Variants in RGS6 observed in about 807,000 individuals in gnomAD.
RGS6 encodes regulator of G-protein signaling 6.
RGS6 carries 30 observed loss-of-function variants against 78.5 expected under a neutral mutation model. That is an observed-to-expected ratio of 0.38 (90% confidence interval 0.29 to 0.52). The LOEUF (loss-of-function observed/expected upper bound fraction) is 0.52, where lower values mean the gene tolerates loss of function less well. RGS6 is among the 20% of genes least tolerant of loss of function. The pLI is 0.85. For missense variants in RGS6, 495 were observed against 609.7 expected (o/e 0.81, Z 1.98); for synonymous variants, 206 against 206.0 (o/e 1.00, Z 0.00).
At chr14:72,528,444 G>T (rs904085445) in intron 15 of RGS6, among the ~76,000 whole-genome samples, 4 of 152,124 alleles carry the variant, frequency 2.6e-5, no homozygotes, top group African/African-American at 9.7e-5. Flanking sequence ...CACTGCTGAG[G>T]ACTCTGGCTA....
intron 2 of RGS6, among the ~76,000 whole-genome samples, chr14:72,050,519 T>C (rs189917511): frequency 6.6e-5 from 10 of 152,150 alleles, no homozygotes; most frequent in Non-Finnish European, 1.5e-4. Flanking sequence ...TAGTGGATGG[T>C]TGAAATGGTA....
At chr14:72,259,269 G>A (rs1310974511) in intron 2 of RGS6, among the ~76,000 whole-genome samples, 1 of 152,138 alleles carries the variant, frequency 6.6e-6, no homozygotes, top group African/African-American at 2.4e-5. Flanking sequence ...CAGATGATCA[G>A]TTAATATTGT....
intron 3 of RGS6, among the ~76,000 whole-genome samples, chr14:72,405,151 C>T (rs10144932): frequency 0.27 from 41,393 of 151,964 alleles, 5,977 homozygotes; most frequent in South Asian, 0.34. Flanking sequence ...GTGCTAAGAA[C>T]GTAAAGGGGG....
chr14:71,905,552 G>A, the RGS6 span, among the ~76,000 whole-genome samples: 143 of 152,060 alleles, frequency 9.4e-4, 1 homozygote, highest in African/African-American at 3.2e-3. Context: ...GTGCAGTGGC[G>A]CAATCTGGGC....
intron 4 of RGS6, among the ~76,000 whole-genome samples, chr14:72,455,465 G>A (rs1009668111): frequency 4.6e-5 from 7 of 152,192 alleles, no homozygotes; most frequent in Admixed American, 1.3e-4. Context: ...CGGTGTGTCA[G>A]CTTGGCACTC....
intron 2 of RGS6, among the ~76,000 whole-genome samples, chr14:72,034,433 T>C (rs560247674): frequency 3.8e-4 from 57 of 151,810 alleles, no homozygotes; most frequent in African/African-American, 1.4e-3. Context: ...AATTCAGTCA[T>C]GTGGTTTTTA....
In RGS6 at chr14:72,562,619, C is replaced by T. The variant is rs2097690274; in HGVS notation, c.*152C>T. 4.6e-6 allele frequency: 7 copies of T among 1,533,598 alleles called. No homozygotes were observed. The Admixed American group carries it at 5.9e-5, about 13-fold the overall frequency. The allele number at this position is 1,533,598 out of a possible 1,614,324, so 95.0% of individuals were successfully genotyped here. On this transcript the variant is annotated 3_prime_UTR_variant, in exon 18 of 18. Transcript: ENST00000553525. ...AATGAAGGGCGATGGTGGGGAGACT[C>T]GGTGGGTGAATGGGGAGACCAGAAA...
the RGS6 span, among the ~76,000 whole-genome samples, chr14:72,579,937 G>T: frequency 6.6e-6 from 1 of 152,182 alleles, no homozygotes; most frequent in Admixed American, 6.5e-5. Flanking sequence ...GAGATTGGGT[G>T]AGATCTGGAC....
chr14:71,969,484 G>A (rs1280440524), intron 2 of RGS6, among the ~76,000 whole-genome samples: 1 of 152,278 alleles, frequency 6.6e-6, no homozygotes, highest in Non-Finnish European at 1.5e-5. Flanking sequence ...ACATCCAGAA[G>A]GATGGAGGCA....
At chr14:71,941,607 C>T (rs1194161575) in intron 1 of RGS6, among the ~76,000 whole-genome samples, 1 of 152,150 alleles carries the variant, frequency 6.6e-6, no homozygotes. Flanking sequence ...AACTTGGAGT[C>T]AGATGTTTGA....
At chr14:72,390,872 T>C (rs942842257) in intron 3 of RGS6, among the ~76,000 whole-genome samples, 1 of 152,182 alleles carries the variant, frequency 6.6e-6, no homozygotes, top group Non-Finnish European at 1.5e-5. Context: ...TTTCTGGCTT[T>C]TATTCCAGGA....
rs761759006 is a variant in RGS6, at chr14:72,540,073, A to G, written c.1401A>G (p.Leu467=). Residue 467 remains leucine, a synonymous_variant, in exon 17 of 18, where the codon CTA becomes CTG. Coordinates refer to ENST00000553525, the MANE Select transcript of RGS6 (RefSeq NM_001204424.2). ...PESEQGRRTS[L]EKFTRSVGKS... ...GTGAGCAAGGTCGTAGAACTTCCCT[A>G]GAAAAGTTCACTCGCAGTGTGGTAA... The G allele has an allele frequency of 6.3e-7, 1 of 1,588,144 alleles. No homozygotes were observed. The highest frequency in any genetic ancestry group is 1.7e-5 in the Admixed American group (1 of 58,254).
the RGS6 span, among the ~76,000 whole-genome samples, chr14:71,893,004 CTG>C: frequency 6.6e-6 from 1 of 152,262 alleles, no homozygotes; most frequent in African/African-American, 2.4e-5. Flanking sequence ...GTTTTAGTCT[CTG>C]TAATTTACTT....
intron 2 of RGS6, among the ~76,000 whole-genome samples, chr14:72,182,283 G>A (rs2097183181): frequency 1.3e-5 from 2 of 151,810 alleles, no homozygotes; most frequent in African/African-American, 4.8e-5. Flanking sequence ...GGTGGCACAC[G>A]CCTGTAGTCC....
At chr14:71,994,494 C>A (rs1481946659) in intron 2 of RGS6, among the ~76,000 whole-genome samples, 2 of 152,054 alleles carry the variant, frequency 1.3e-5, no homozygotes, top group Non-Finnish European at 2.9e-5. Context: ...AGACATGAAA[C>A]CACTGTTTAG....
chr14:72,070,707 A>C (rs1240013443), intron 2 of RGS6, among the ~76,000 whole-genome samples: 1 of 152,174 alleles, frequency 6.6e-6, no homozygotes. Context: ...TAAAGGGAGC[A>C]CTGGATGGAT....
At chr14:72,264,140 C>T (rs2238212) in intron 2 of RGS6, among the ~76,000 whole-genome samples, 14 of 151,988 alleles carry the variant, frequency 9.2e-5, no homozygotes, top group Non-Finnish European at 1.5e-4. Context: ...AAACACATTA[C>T]GAGAAAGGTT....
At chr14:72,179,009 A>T (rs2097140776) in intron 2 of RGS6, among the ~76,000 whole-genome samples, 1 of 152,234 alleles carries the variant, frequency 6.6e-6, no homozygotes, top group Admixed American at 6.5e-5. Flanking sequence ...GATCCAGCAC[A>T]TATTTCTGAC....
intron 2 of RGS6, among the ~76,000 whole-genome samples, chr14:72,263,950 A>G (rs1594980042): frequency 6.6e-6 from 1 of 152,184 alleles, no homozygotes; most frequent in Non-Finnish European, 1.5e-5. Context: ...CTCAGTTTCT[A>G]ATTTCAGAAA....
Sources: gnomAD v4.1 joint callset for allele counts (sites outside exome capture counted in the v4.1 genomes callset) on GRCh38, gnomAD v4.1.1 for gene constraint, MANE v1.5 for transcripts, NCBI Gene and HGNC (gene_info 2026-07-23, HGNC 2026-07-21) for gene names.